Variants in TOP1MT observed in about 807,000 individuals in gnomAD.
The protein encoded by TOP1MT is DNA topoisomerase I mitochondrial, also known as DNA topoisomerase I, mitochondrial.
Under a neutral mutation model 73.9 loss-of-function variants are expected in TOP1MT, and 80 were observed. The observed-to-expected ratio is 1.08, with a 90% CI of 0.90 to 1.30. The LOEUF is 1.30. TOP1MT is among the 50% of genes most tolerant of loss of function. The pLI is 0.00. For missense variants in TOP1MT, 815 were observed against 808.0 expected (o/e 1.01, Z -0.10); for synonymous variants, 338 against 326.4 (o/e 1.04, Z -0.38).
intron 2 of TOP1MT, among the ~76,000 whole-genome samples, chr8:143,342,174 A>ATTC (rs1563771323): frequency 9.5e-6 from 1 of 105,028 alleles, no homozygotes; most frequent in Non-Finnish European, 1.7e-5. Context: ...TCGCTCTGTT[A>ATTC]TTATTAGAGA....
chr8:143,339,560 G>C (rs1817038755), upstream of TOP1MT, among the ~76,000 whole-genome samples: 11 of 152,180 alleles, frequency 7.2e-5, no homozygotes, highest in Admixed American at 7.2e-4. Flanking sequence ...CTTACTGCTG[G>C]CTGCTCCCAG....
chr8:143,317,397 G>C (rs935618047), intron 10 of TOP1MT, among the ~76,000 whole-genome samples: 5 of 152,226 alleles, frequency 3.3e-5, no homozygotes, highest in African/African-American at 7.2e-5. Flanking sequence ...AAAGTGCAGA[G>C]GCCTCCTGGG....
intron 2 of TOP1MT, among the ~76,000 whole-genome samples, chr8:143,330,275 G>A (rs1371405828): frequency 6.6e-6 from 1 of 152,166 alleles, no homozygotes; most frequent in Non-Finnish European, 1.5e-5. Flanking sequence ...CCATGGCCCT[G>A]CATAAGCAGT....
chr8:143,330,715 G>A (rs1212833195), intron 2 of TOP1MT, among the ~76,000 whole-genome samples: 1 of 152,180 alleles, frequency 6.6e-6, no homozygotes, highest in East Asian at 1.9e-4. Context: ...CTGGGCCCTG[G>A]GGTAGAGAGG....
chr8:143,343,690 A>T (rs957471282), intron 1 of TOP1MT: 3 of 161,690 alleles, frequency 1.9e-5, no homozygotes, highest in Admixed American at 6.0e-5. Flanking sequence ...TTTGAAGAAG[A>T]AGTGTGAGAA....
chr8:143,359,301 AG>A (rs1168592299), upstream of TOP1MT: 1 of 985,246 alleles, frequency 1.0e-6, no homozygotes, highest in Non-Finnish European at 1.2e-6. Context: ...AAAGCGATCC[AG>A]GAGAAGGGAG....
intron 8 of TOP1MT, among the ~76,000 whole-genome samples, chr8:143,320,665 T>C (rs1816306224): frequency 6.6e-6 from 1 of 152,220 alleles, no homozygotes; most frequent in East Asian, 1.9e-4. Context: ...ACAGCGTCCT[T>C]GTGAGAACAC....
rs374227273 is a variant in TOP1MT at position 143,318,669 on chromosome 8, C to T, written c.1147-583G>A. ...GGCATCGGCTCCAGGGCGGAGGTTG[C>T]TGTGGCCTCTGTGTTGCTCTCTCCA... On this transcript the variant is annotated intron_variant, in intron 8 of 13. Coordinates refer to ENST00000329245, the MANE Select transcript of TOP1MT (RefSeq NM_052963.3). Among the ~76,000 whole-genome samples, 22 of 152,290 alleles carry T rather than the reference C, an allele frequency of 1.4e-4. 1 individual carries two copies. The East Asian group carries it at 3.7e-3, about 25-fold the overall frequency.
At chr8:143,325,261 TC>T (rs1816673465) in intron 5 of TOP1MT, 84 bp downstream of exon 5, 1 of 1,224,576 alleles carries the variant, frequency 8.2e-7, no homozygotes, top group African/African-American at 1.5e-5. Context: ...TCGGTGTGCC[TC>T]CCTCTCCCAG....
In TOP1MT at chr8:143,316,227, A is replaced by G. The variant is rs369589467; in HGVS notation, c.1331-101T>C. ...CGCGCCACACAGCGCAGCCCCTTCC[A>G]CTCACACAGGCACCCACTGGGATGG... On this transcript the variant is annotated intron_variant, in intron 10 of 13. Transcript: ENST00000329245. 3.0e-5 allele frequency: 47 copies of G among 1,553,812 alleles called. 1 individual carries two copies. In the African/African-American group the frequency reaches 5.4e-4, roughly 18 times the overall value.
intron 12 of TOP1MT, among the ~76,000 whole-genome samples, chr8:143,311,671 G>A (rs1378338455): frequency 6.6e-6 from 1 of 151,670 alleles, no homozygotes; most frequent in South Asian, 2.1e-4. Flanking sequence ...GTTTGAACCC[G>A]GGAGGCAGAG....
chr8:143,346,953 C>CTTTCTTTATTTATTTATTTAATTATTTA (rs112672257), upstream of TOP1MT, among the ~76,000 whole-genome samples: 13 of 140,860 alleles, frequency 9.2e-5, no homozygotes, highest in African/African-American at 3.4e-4. Context: ...AGCCTCACTT[C>CTTTCTTTATTTATTTATTTAATTATTTA]TTTATTTATT....
At chr8:143,331,616 G>A (rs1816858321) in intron 1 of TOP1MT, 3 of 347,486 alleles carry the variant, frequency 8.6e-6, no homozygotes, top group Non-Finnish European at 1.6e-5. Flanking sequence ...GGCAAGCCCA[G>A]CTAAGTGGGA....
upstream of TOP1MT, among the ~76,000 whole-genome samples, chr8:143,345,187 G>A (rs571363069): frequency 1.3e-5 from 2 of 152,248 alleles, no homozygotes; most frequent in South Asian, 2.1e-4. Flanking sequence ...ACACAGACAC[G>A]TACCACACTG....
chr8:143,312,581 C>T (rs1478434375), intron 12 of TOP1MT, among the ~76,000 whole-genome samples: 2 of 152,162 alleles, frequency 1.3e-5, no homozygotes, highest in African/African-American at 4.8e-5. Context: ...TAACAAACAG[C>T]TTCTGTGAAA....
intron 8 of TOP1MT, among the ~76,000 whole-genome samples, chr8:143,319,688 G>A (rs1331044972): frequency 1.3e-5 from 2 of 152,176 alleles, no homozygotes; most frequent in African/African-American, 2.4e-5. Context: ...TGCTGGTGGA[G>A]CTAGGGGCTG....
intron 1 of TOP1MT, among the ~76,000 whole-genome samples, chr8:143,351,490 G>T (rs1169836664): frequency 6.6e-6 from 1 of 151,192 alleles, no homozygotes; most frequent in African/African-American, 2.4e-5. Context: ...AAAGGCAGGA[G>T]AATCACTTGA....
chr8:143,321,055 C>T, intron 8 of TOP1MT, 146 bp downstream of exon 8: 1 of 811,876 alleles, frequency 1.2e-6, no homozygotes, highest in Non-Finnish European at 1.9e-6. Flanking sequence ...CACCTTTACC[C>T]CGATCAGCCC....
rs1406427616 is a variant in TOP1MT at position 143,310,102 on chromosome 8, G to A, written c.1669C>T (p.Leu557Phe). Residue 557 changes from leucine (L) to phenylalanine (F), a missense_variant, in exon 13 of 14, where the codon CTC becomes TTC. Coordinates refer to ENST00000329245, the MANE Select transcript of TOP1MT (RefSeq NM_052963.3). ...NKQVALGTSK[L>F]NYLDPRISIA... ...CTGATCCTGGGGTCCAGGTAGTTGA[G>A]CTTGGACGTGCCCAGGGCCACCTGC... The A allele has an allele frequency of 6.2e-7, 1 of 1,613,412 alleles. No homozygotes were observed. Among genetic ancestry groups the A allele is most frequent in the African/African-American group, 1.3e-5 (1 of 74,940 alleles).
Sources: gnomAD v4.1 joint callset for allele counts (sites outside exome capture counted in the v4.1 genomes callset) on GRCh38, gnomAD v4.1.1 for gene constraint, MANE v1.5 for transcripts, NCBI Gene and HGNC (gene_info 2026-07-23, HGNC 2026-07-21) for gene names.